Variants in DUSP4 observed in about 807,000 individuals in gnomAD.
The protein encoded by DUSP4 is dual specificity protein phosphatase 4.
In DUSP4, 12 loss-of-function variants were observed where a neutral mutation model predicts 27.2. The observed-to-expected ratio is 0.44, with a 90% CI of 0.28 to 0.71. The LOEUF (loss-of-function observed/expected upper bound fraction) is 0.71, where lower values mean the gene tolerates loss of function less well. DUSP4 is among the 30% of genes least tolerant of loss of function. The probability of loss-of-function intolerance (pLI) is 0.14; values close to 1 mark genes in which losing one functional copy is unlikely to be tolerated. For synonymous variants in DUSP4, 257 were observed against 245.2 expected (o/e 1.05, Z -0.45); for missense variants, 448 against 551.3 (o/e 0.81, Z 1.88).
chr8:29,349,794 A>T, intron 1 of DUSP4, 52 bp downstream of exon 1: 2 of 1,442,334 alleles, frequency 1.4e-6, no homozygotes, highest in East Asian at 5.0e-5. Flanking sequence ...GCAGGCCGCC[A>T]AGACCCCCTC....
intron 1 of DUSP4, among the ~76,000 whole-genome samples, chr8:29,342,307 C>T (rs971070337): frequency 3.3e-5 from 5 of 152,220 alleles, no homozygotes; most frequent in Non-Finnish European, 2.9e-5. Context: ...GCAGCCCGGG[C>T]CTCCTGAACC....
Position 29,350,027 on chromosome 8 carries a change from C to G in DUSP4, c.252G>C (p.Glu84Asp). The G allele has an allele frequency of 6.3e-7, 1 of 1,595,354 alleles. No homozygotes were observed. The part of the protein sequence containing the change: ...RRRAKGSVSL[E>D]QILPAEEEVR... ...CCTCCTCCTCGGCGGGCAGGATCTG[C>G]TCCAGGCTCACGGAGCCCTTAGCCC... The change falls in exon 1 of 4, where the codon GAG becomes GAC. Residue 84 changes from glutamate to aspartate, a missense_variant. Physicochemically the swap from Glu to Asp is conservative, Grantham distance 45. Coordinates refer to ENST00000240100, the MANE Select transcript of DUSP4 (RefSeq NM_001394.7).
chr8:29,338,164 G>A, intron 3 of DUSP4, 118 bp downstream of exon 3: 1 of 1,026,104 alleles, frequency 9.7e-7, no homozygotes, highest in Non-Finnish European at 1.5e-6. Flanking sequence ...GGAAGAGGGG[G>A]AATGGGGACC....
rs1201842900 is a variant in DUSP4 at position 29,350,161 on chromosome 8, G to C, written c.118C>G (p.Pro40Ala). 5 of 1,609,548 alleles carry C rather than the reference G, an allele frequency of 3.1e-6. No homozygotes were observed. In the African/African-American group the frequency reaches 6.7e-5, roughly 21 times the overall value. ...GSGSHGTLGL[P>A]SGGKCLLLDC... ...AGCAGCAGGCACTTGCCGCCGCTCG[G>C]CAGCCCCAGGGTGCCGTGGCTGCCG... Residue 40 changes from proline to alanine, a missense_variant, in exon 1 of 4, where the codon CCG (proline) becomes GCG (alanine). Coordinates refer to ENST00000240100, the MANE Select transcript of DUSP4 (RefSeq NM_001394.7).
rs757228799 is a variant in DUSP4 at position 29,349,983 on chromosome 8, G to A, written c.296C>T (p.Ser99Phe). The change falls in exon 1 of 4, where the codon TCC (serine) becomes TTC (phenylalanine). Residue 99 changes from serine to phenylalanine, a missense_variant. By Grantham distance (155) the Ser-to-Phe change is radical (BLOSUM62 -2). Around this residue, in one of 3 missense-constraint regions of DUSP4, gnomAD observed 345 missense variants for 394.0 expected, o/e 0.88. Transcript: ENST00000240100. ...AEEEVRARLRSGLYSAVIVYD... is the reference protein window; with the variant it reads ...AEEEVRARLRFGLYSAVIVYD... ...GACGATGACCGCCGAGTAGAGGCCG[G>A]AGCGCAAGCGGGCGCGTACCTCCTC... 14 of 1,572,618 alleles carry A rather than the reference G, an allele frequency of 8.9e-6. No individual in the cohort carries two copies. The highest frequency in any genetic ancestry group is 1.7e-4 in the Middle Eastern group (1 of 6,018).
intron 1 of DUSP4, 84 bp downstream of exon 1, chr8:29,349,762 C>T (rs1363535971): frequency 5.7e-6 from 8 of 1,403,640 alleles, no homozygotes; most frequent in Admixed American, 3.0e-5. Context: ...ACGCCGGGGA[C>T]TCCTTCCCGT....
At chr8:29,339,367 G>A (rs988312081) in intron 2 of DUSP4, among the ~76,000 whole-genome samples, 2 of 152,172 alleles carry the variant, frequency 1.3e-5, no homozygotes, top group Non-Finnish European at 2.9e-5. Flanking sequence ...GGTTTTCTTG[G>A]AGGGAGGGTG....
intron 1 of DUSP4, among the ~76,000 whole-genome samples, chr8:29,341,361 T>A (rs1194542594): frequency 6.6e-6 from 1 of 152,210 alleles, no homozygotes; most frequent in Admixed American, 6.5e-5. Flanking sequence ...AATTTTCCAA[T>A]GTGCAGACAT....
chr8:29,341,979 A>C (rs1817662269), intron 1 of DUSP4, among the ~76,000 whole-genome samples: 1 of 152,268 alleles, frequency 6.6e-6, no homozygotes, highest in Admixed American at 6.5e-5. Context: ...TGTCTATTAC[A>C]TAATTTGAGC....
intron 1 of DUSP4, among the ~76,000 whole-genome samples, chr8:29,341,840 C>T (rs1817660419): frequency 6.6e-6 from 1 of 152,234 alleles, no homozygotes; most frequent in Non-Finnish European, 1.5e-5. Flanking sequence ...TCAGTCCATG[C>T]TCCCTTTCGG....
chr8:29,348,889 G>C (rs1817779845), intron 1 of DUSP4: 8 of 636,052 alleles, frequency 1.3e-5, no homozygotes, highest in Non-Finnish European at 1.6e-5. Context: ...CAGCGCGGCG[G>C]GGGGCGCCCG....
At chr8:29,344,386 G>A (rs1190250708) in intron 1 of DUSP4, among the ~76,000 whole-genome samples, 1 of 152,158 alleles carries the variant, frequency 6.6e-6, no homozygotes, top group East Asian at 1.9e-4. Context: ...TGTATTGAAC[G>A]TGTCTGTGTC....
Position 29,335,258 on chromosome 8 carries a change from T to C in DUSP4, c.*1768A>G, listed in dbSNP as rs1407699628. The C allele has an allele frequency of 7.2e-6, 1 of 139,546 alleles. No individual in the cohort carries two copies. Among genetic ancestry groups the C allele is most frequent in the Non-Finnish European group, 1.5e-5 (1 of 64,788 alleles). 8.6% of individuals were successfully genotyped at this position (139,546 alleles called of 1,614,324 possible). A position where few individuals can be genotyped will look rare whatever the true frequency, so the allele number is the denominator to read the frequency against. ...AACGTGTCTCCCTCCAAAGCCATTC[T>C]CCATTTAGAAAGGCCCAACTAAGGA... On this transcript the variant is annotated 3_prime_UTR_variant, in exon 4 of 4. Transcript: ENST00000240100.
At position 29,340,274 on chromosome 8, in the gene DUSP4, G is replaced by A. The variant is rs748136352; in HGVS notation, c.434-31C>T. On this transcript the variant is annotated intron_variant, in intron 1 of 3. Transcript: ENST00000240100. ...AAGGAGAAAGAAGCTCAGGTTAATG[G>A]GGTCACTAAGCCAGCAGGAAGTCAG... The A allele has an allele frequency of 4.5e-6, 7 of 1,572,586 alleles. No homozygotes were observed. In the South Asian group the frequency reaches 7.0e-5, roughly 16 times the overall value.
At position 29,333,249 on chromosome 8, in the gene DUSP4, C is replaced by T. The variant is rs1439265781; in HGVS notation, c.*3777G>A. 1 of 152,196 alleles carries T rather than the reference C, an allele frequency of 6.6e-6. No individual in the cohort carries two copies. The highest frequency in any genetic ancestry group is 1.5e-5 in the Non-Finnish European group (1 of 68,042). The allele number at this position is 152,196 out of a possible 1,614,324, so 9.4% of individuals were successfully genotyped here. Reference sequence around the variant, plus strand: ...ACTCTGAAAGATGGGGCTATTTACACAAGTTACAAGAATTGCGTTGCTGTC... The same window carrying T: ...ACTCTGAAAGATGGGGCTATTTACATAAGTTACAAGAATTGCGTTGCTGTC... On this transcript the variant is annotated 3_prime_UTR_variant, in exon 4 of 4. Coordinates refer to ENST00000240100, the MANE Select transcript of DUSP4 (RefSeq NM_001394.7).
intron 1 of DUSP4, chr8:29,348,157 ACGCCAGCGAAGGAAGG>A (rs1817762405): frequency 1.0e-6 from 1 of 985,432 alleles, no homozygotes; most frequent in Non-Finnish European, 1.2e-6. Flanking sequence ...CCGGGTTTGG[ACGCCAGCGAAGGAAGG>A]CGCGCCCGCG....
Sources: allele counts gnomAD v4.1 joint callset (sites outside exome capture counted in the v4.1 genomes callset), GRCh38; gene constraint gnomAD v4.1.1; regional missense constraint gnomAD v4.1.1; transcripts MANE v1.5; gene names NCBI Gene and HGNC (gene_info 2026-07-23, HGNC 2026-07-21).